Variants in MOCOS observed in about 807,000 individuals in gnomAD.
MOCOS encodes molybdenum cofactor sulfurase, also known as human molybdenum cofactor sulfurase.
A neutral mutation model predicts 83.6 loss-of-function variants in MOCOS; 86 were observed. That is an observed-to-expected ratio of 1.03 (90% confidence interval 0.86 to 1.23). The LOEUF (loss-of-function observed/expected upper bound fraction) is 1.23, where lower values mean the gene tolerates loss of function less well. Ranked by LOEUF, MOCOS falls within the 50% of genes most tolerant of loss-of-function variation. The pLI, the probability that MOCOS is intolerant of heterozygous loss-of-function variation, is 0.00. For synonymous variants in MOCOS, 445 were observed against 434.7 expected, an observed-to-expected ratio of 1.02 and a Z score of -0.29; for missense variants, 1,120 against 1,126.9, an observed-to-expected ratio of 0.99 and a Z score of 0.09.
rs747212702 is a variant in MOCOS at position 36,199,667 on chromosome 18, G to C, written c.300-16G>C. ...GCTGAGATCCGCGGGTTGCGGGGAT[G>C]CTGTGCTTCTTCCAGAATCCTGGCG... On this transcript the variant is annotated splice_polypyrimidine_tract_variant and intron_variant, in intron 3 of 14. Transcript: ENST00000261326. 5 of 1,612,768 alleles carry C rather than the reference G, an allele frequency of 3.1e-6. No individual in the cohort carries two copies. In the Admixed American group the frequency reaches 8.3e-5, roughly 27 times the overall value.
intron 8 of MOCOS, among the ~76,000 whole-genome samples, chr18:36,217,741 C>T (rs991213459): frequency 1.3e-5 from 2 of 152,148 alleles, no homozygotes; most frequent in Non-Finnish European, 1.5e-5. Context: ...AAAGAAGAAA[C>T]GAGATGAAAA....
intron 8 of MOCOS, among the ~76,000 whole-genome samples, chr18:36,217,445 A>G (rs1187099112): frequency 6.6e-6 from 1 of 152,166 alleles, no homozygotes; most frequent in Non-Finnish European, 1.5e-5. Flanking sequence ...TACTGAGGGT[A>G]GCTGGGCTCC....
chr18:36,270,813 T>G lies in MOCOS; in HGVS notation c.*2128T>G, dbSNP rs1427910540. ...TGCAGTAGATACTTTCATGACTGAT[T>G]TCAGGCTTTTTGTTTTTTTGAGACA... On this transcript the variant is annotated 3_prime_UTR_variant, in exon 15 of 15. Transcript: ENST00000261326. 6.6e-6 allele frequency: 1 copy of G among 151,986 alleles called. No homozygotes were observed. Among genetic ancestry groups the G allele is most frequent in the Non-Finnish European group, 1.5e-5 (1 of 68,128 alleles). The allele number at this position is 151,986 out of a possible 1,614,324, so 9.4% of individuals were successfully genotyped here. A position where few individuals can be genotyped will look rare whatever the true frequency, so the allele number is the denominator to read the frequency against.
chr18:36,255,188 C>G (rs2091637259), intron 11 of MOCOS, among the ~76,000 whole-genome samples: 2 of 152,210 alleles, frequency 1.3e-5, no homozygotes, highest in Admixed American at 6.5e-5. Context: ...GACTGTCACT[C>G]ATGGCCAGAA....
chr18:36,257,723 AG>A (rs2144148546), intron 12 of MOCOS, among the ~76,000 whole-genome samples: 1 of 152,270 alleles, frequency 6.6e-6, no homozygotes, highest in South Asian at 2.1e-4. Flanking sequence ...CTCATGCCAC[AG>A]GGTGACTGGG....
At chr18:36,188,944 T>C (rs1169152736) in intron 1 of MOCOS, among the ~76,000 whole-genome samples, 1 of 150,554 alleles carries the variant, frequency 6.6e-6, no homozygotes, top group Non-Finnish European at 1.5e-5. Flanking sequence ...CTCTCAACTA[T>C]TAATTATGGA....
At chr18:36,252,414 C>G (rs2091625293) in intron 11 of MOCOS, among the ~76,000 whole-genome samples, 2 of 152,138 alleles carry the variant, frequency 1.3e-5, no homozygotes, top group Non-Finnish European at 2.9e-5. Context: ...AAAAATGAGC[C>G]AAGTATGCTG....
At chr18:36,192,425 A>T (rs987133800) in intron 1 of MOCOS, among the ~76,000 whole-genome samples, 16 of 152,250 alleles carry the variant, frequency 1.1e-4, no homozygotes, top group African/African-American at 3.1e-4. Context: ...TGAAAATTGT[A>T]AAACATCATT....
intron 9 of MOCOS, among the ~76,000 whole-genome samples, chr18:36,247,357 G>T (rs555025648): frequency 2.6e-5 from 4 of 152,280 alleles, no homozygotes; most frequent in African/African-American, 9.6e-5. Flanking sequence ...CAGCTTCTAC[G>T]CTTGTATCTT....
intron 9 of MOCOS, among the ~76,000 whole-genome samples, chr18:36,239,177 A>G (rs145246727): frequency 0.1 from 15,564 of 151,878 alleles, 893 homozygotes; most frequent in Non-Finnish European, 0.13. Flanking sequence ...TCCTGTCATT[A>G]TGATGTTAGC....
chr18:36,238,252 C>T (rs11081939), intron 9 of MOCOS, among the ~76,000 whole-genome samples: 38,535 of 145,808 alleles, frequency 0.26, 5,765 homozygotes, highest in Admixed American at 0.34. Flanking sequence ...ATCTTTCCTG[C>T]TTTCTCTTGT....
chr18:36,218,335 G>GTT (rs780120200), intron 8 of MOCOS, among the ~76,000 whole-genome samples: 2 of 148,704 alleles, frequency 1.3e-5, no homozygotes, highest in African/African-American at 4.9e-5. Flanking sequence ...ACCTTTTATG[G>GTT]CTTTTTTTTT....
At chr18:36,258,629 G>A (rs557030036) in intron 12 of MOCOS, among the ~76,000 whole-genome samples, 85 of 152,152 alleles carry the variant, frequency 5.6e-4, no homozygotes, top group Non-Finnish European at 1.0e-3. Context: ...TGTCTCTGGC[G>A]CATACTCTAA....
chr18:36,238,245 T>G (rs1322674566), intron 9 of MOCOS, among the ~76,000 whole-genome samples: 26 of 147,450 alleles, frequency 1.8e-4, no homozygotes, highest in African/African-American at 6.3e-4. Flanking sequence ...ATTTTGGATC[T>G]TTCCTGCTTT....
At chr18:36,214,591 T>G (rs2091468723) in intron 7 of MOCOS, among the ~76,000 whole-genome samples, 1 of 152,128 alleles carries the variant, frequency 6.6e-6, no homozygotes, top group Non-Finnish European at 1.5e-5. Context: ...AGGAATAATT[T>G]GAGTGGCAAA....
chr18:36,244,479 T>C (rs2091595801), intron 9 of MOCOS, among the ~76,000 whole-genome samples: 1 of 152,168 alleles, frequency 6.6e-6, no homozygotes, highest in Non-Finnish European at 1.5e-5. Context: ...CACTGTGGTC[T>C]GAAAGGGTAC....
intron 9 of MOCOS, among the ~76,000 whole-genome samples, chr18:36,244,382 A>G (rs1034927354): frequency 1.3e-5 from 2 of 152,172 alleles, no homozygotes; most frequent in Non-Finnish European, 2.9e-5. Flanking sequence ...TTGTTGACCC[A>G]AGGATCAGTC....
chr18:36,262,478 A>G (rs2091667494), intron 13 of MOCOS, among the ~76,000 whole-genome samples: 1 of 152,068 alleles, frequency 6.6e-6, no homozygotes, highest in Non-Finnish European at 1.5e-5. Context: ...AGCATTAAAG[A>G]GCATAAGATA....
chr18:36,210,550 T>C (rs890094298), intron 6 of MOCOS, among the ~76,000 whole-genome samples: 33 of 152,222 alleles, frequency 2.2e-4, no homozygotes, highest in African/African-American at 7.7e-4. Flanking sequence ...AGTTTTATTC[T>C]TGAATCAAAA....
Sources: gnomAD v4.1 joint callset for allele counts (sites outside exome capture counted in the v4.1 genomes callset) on GRCh38, gnomAD v4.1.1 for gene constraint, MANE v1.5 for transcripts, NCBI Gene and HGNC (gene_info 2026-07-23, HGNC 2026-07-21) for gene names.